CHPF2: variants seen among roughly 807,000 people sequenced by gnomAD.
CHPF2 encodes the protein chondroitin polymerizing factor 2, non-catalytic subunit.
A neutral mutation model predicts 63.0 loss-of-function variants in CHPF2; 58 were observed. The ratio of observed to expected loss-of-function variants is 0.92; its 90% CI spans 0.75 to 1.15. The LOEUF (loss-of-function observed/expected upper bound fraction) is 1.15. Among genes scored for constraint, CHPF2 ranks in the 50% most tolerant of loss-of-function variants. CHPF2 has a pLI of 0.00. For synonymous variants in CHPF2, 442 were observed against 438.0 expected (o/e 1.01, Z -0.11); for missense variants, 1,045 against 1,035.4 (o/e 1.01, Z -0.13).
At chr7:151,237,061 G>C in intron 3 of CHPF2, 1 of 598,314 alleles carries the variant, frequency 1.7e-6, no homozygotes, top group Non-Finnish European at 3.1e-6. Context: ...TTATGAAGAG[G>C]ATGTGAGTCC....
In CHPF2 at chr7:151,237,747, TG is replaced by T. The variant is rs1563634487; in HGVS notation, c.1387del (p.Ala463LeufsTer10). 6.2e-7 allele frequency: 1 copy of T among 1,612,304 alleles called. No individual in the cohort carries two copies. The highest frequency in any genetic ancestry group is 2.2e-5 in the East Asian group (1 of 44,896). ...CVTQRGHRRA[L>X]ARRVSLLRPL... Reference sequence around the variant, plus strand: ...ACACAGCGTGGGCACCGGCGGGCCCTGGCTCGCAGGGTCAGCCTGCTGCGGC... The same window carrying T: ...ACACAGCGTGGGCACCGGCGGGCCCTGCTCGCAGGGTCAGCCTGCTGCGGC... On this transcript the variant is annotated frameshift_variant, in exon 4 of 4. Coordinates refer to ENST00000035307, the MANE Select transcript of CHPF2 (RefSeq NM_019015.3). LOFTEE classifies it high-confidence loss of function.
chr7:151,237,887 G>T lies in CHPF2; in HGVS notation c.1525G>T (p.Ala509Ser), dbSNP rs1241893476. 4 of 1,612,744 alleles carry T rather than the reference G, an allele frequency of 2.5e-6. No homozygotes were observed. The highest frequency in any genetic ancestry group is 3.4e-6 in the Non-Finnish European group (4 of 1,179,972). The change falls in exon 4 of 4, where the codon GCC (alanine) becomes TCC (serine). Residue 509 changes from alanine (A) to serine (S), a missense_variant. Physicochemically the swap from Ala to Ser is moderately conservative, Grantham distance 99. Coordinates refer to ENST00000035307, the MANE Select transcript of CHPF2 (RefSeq NM_019015.3). ...EAAAAPAFLE[A>S]FAANVLEPRE... is the part of the protein sequence containing the mutation. Reference sequence around the variant, plus strand: ...TGCTGCAGCCCCGGCTTTCCTCGAGGCCTTTGCAGCCAATGTCCTGGAGCC... The same window carrying T: ...TGCTGCAGCCCCGGCTTTCCTCGAGTCCTTTGCAGCCAATGTCCTGGAGCC...
At position 151,238,118 on chromosome 7, in the gene CHPF2, G is replaced by T; in HGVS notation, c.1756G>T (p.Val586Leu). ...LMDVVSKKHP[V>L]DTLFFLTTVW... ...GGACGTGGTCTCGAAGAAGCACCCT[G>T]TGGACACTCTCTTCTTCCTTACCAC... is the stretch of plus-strand genomic sequence containing the variant. Residue 586 changes from valine (V) to leucine (L), a missense_variant, in exon 4 of 4, where the codon GTG becomes TTG. By Grantham distance (32) the Val-to-Leu change is conservative (BLOSUM62 1). Transcript: ENST00000035307. 6.2e-7 allele frequency: 1 copy of T among 1,612,384 alleles called. No individual in the cohort carries two copies. The highest frequency in any genetic ancestry group is 1.1e-5 in the South Asian group (1 of 91,092).
Position 151,233,362 on chromosome 7 carries a change from T to G in CHPF2, c.-650T>G, listed in dbSNP as rs1016119396. 4.1e-6 allele frequency: 4 copies of G among 985,674 alleles called. No homozygotes were observed. Among genetic ancestry groups the G allele is most frequent in the Non-Finnish European group, 4.8e-6 (4 of 830,222 alleles). 61.1% of individuals were successfully genotyped at this position (985,674 alleles called of 1,614,324 possible). On this transcript the variant is annotated 5_prime_UTR_variant, in exon 1 of 4. Transcript: ENST00000035307. ...CGAGTGGCTCCAGACCGCTCCTGAG[T>G]GGGAGGAGGGGTTCCTGTAGCCGTT...
rs1802522333 is a variant in CHPF2, at chr7:151,233,165, C to G, written c.-847C>G. 1 of 1,058,042 alleles carries G rather than the reference C, an allele frequency of 9.5e-7. No homozygotes were observed. Among genetic ancestry groups the G allele is most frequent in the Non-Finnish European group, 1.1e-6 (1 of 877,080 alleles). 65.5% of individuals were successfully genotyped at this position (1,058,042 alleles called of 1,614,324 possible). The stretch of plus-strand genomic sequence containing the variant: ...CTGGGGCCCTGGTAAAACCAGGCAC[C>G]GAATCGCTCGCACACAGAGTTCCAG... On this transcript the variant is annotated 5_prime_UTR_variant, in exon 1 of 4. Transcript: ENST00000035307.
Position 151,233,967 on chromosome 7 carries a change from T to C in CHPF2, c.-45T>C. 1 of 1,474,638 alleles carries C rather than the reference T, an allele frequency of 6.8e-7. No homozygotes were observed. The highest frequency in any genetic ancestry group is 1.4e-5 in the African/African-American group (1 of 70,146). 91.3% of individuals were successfully genotyped at this position (1,474,638 alleles called of 1,614,324 possible). On this transcript the variant is annotated 5_prime_UTR_variant, in exon 1 of 4. Transcript: ENST00000035307. Reference sequence around the variant, plus strand: ...CTGGTGCCCATCAATCCATTGATCCTTGAGGCTGTGCCCCTGGGGCACCCA... The same window carrying C: ...CTGGTGCCCATCAATCCATTGATCCCTGAGGCTGTGCCCCTGGGGCACCCA...
rs1292194127 is a variant in CHPF2 at position 151,232,497 on chromosome 7, A to ACAGGGGCTGTGAGGTGG, written c.-1511_-1495dup. On this transcript the variant is annotated 5_prime_UTR_variant, in exon 1 of 4. Coordinates refer to ENST00000035307, the MANE Select transcript of CHPF2 (RefSeq NM_019015.3). ...CAGGCAGCGGAAGAGGAAGCTGCGG[A>ACAGGGGCTGTGAGGTGG]CAGGGGCTGTGAGGTGGCAGCGGCT... 2.1e-6 allele frequency: 1 copy of ACAGGGGCTGTGAGGTGG among 485,586 alleles called. No individual in the cohort carries two copies. Among genetic ancestry groups the ACAGGGGCTGTGAGGTGG allele is most frequent in the Non-Finnish European group, 3.6e-6 (1 of 274,738 alleles). 30.1% of individuals were successfully genotyped at this position (485,586 alleles called of 1,614,324 possible).
In CHPF2 at chr7:151,233,262, G is replaced by T; in HGVS notation, c.-750G>T. ...CCTGCAAGATGGCTCCATCGGCCATGGCGCTCCTGAGAGGCTGTCAGTGCT... is the reference window on the plus strand; with the variant it reads ...CCTGCAAGATGGCTCCATCGGCCATTGCGCTCCTGAGAGGCTGTCAGTGCT... On this transcript the variant is annotated 5_prime_UTR_variant, in exon 1 of 4. An upstream start codon of the reference 5' UTR is lost. Transcript: ENST00000035307. The T allele has an allele frequency of 1.0e-6, 1 of 993,178 alleles. No homozygotes were observed. The highest frequency in any genetic ancestry group is 4.6e-5 in the South Asian group (1 of 21,818). 61.5% of individuals were successfully genotyped at this position (993,178 alleles called of 1,614,324 possible). A position where few individuals can be genotyped will look rare whatever the true frequency, so the allele number is the denominator to read the frequency against.
At chr7:151,235,670 T>C in intron 2 of CHPF2, 58 bp downstream of exon 2, 1 of 1,470,432 alleles carries the variant, frequency 6.8e-7, no homozygotes, top group Non-Finnish European at 9.3e-7. Context: ...GATGAGTGAT[T>C]GGCCTTCCTC....
intron 2 of CHPF2, 117 bp downstream of exon 2, chr7:151,235,729 C>T: frequency 1.0e-6 from 1 of 972,018 alleles, no homozygotes; most frequent in South Asian, 1.6e-5. Flanking sequence ...CCACTGGCCG[C>T]TCTGTGGGCC....
chr7:151,235,149 G>A lies in CHPF2; in HGVS notation c.365G>A (p.Arg122His), dbSNP rs199526960. ...TLSTLAVAVN[R>H]TVAHHFPRLL... is the part of the protein sequence containing the mutation. ...TCCACTTTGGCCGTGGCTGTGAACCGTACGGTGGCCCATCACTTCCCTCGG... is the reference window on the plus strand; with the variant it reads ...TCCACTTTGGCCGTGGCTGTGAACCATACGGTGGCCCATCACTTCCCTCGG... Residue 122 changes from arginine to histidine, a missense_variant, in exon 2 of 4, where the codon CGT (arginine) becomes CAT (histidine). Transcript: ENST00000035307. The A allele has an allele frequency of 9.3e-6, 15 of 1,613,132 alleles. No homozygotes were observed. The highest frequency in any genetic ancestry group is 6.6e-5 in the South Asian group (6 of 90,958).
At position 151,238,353 on chromosome 7, in the gene CHPF2, T is replaced by A; in HGVS notation, c.1991T>A (p.Phe664Tyr). ...CGGGGGGCTCCTATAGGGGGGAGATTTGACCGGCAGGCTTCTGCGGAGGGC... is the reference window on the plus strand; with the variant it reads ...CGGGGGGCTCCTATAGGGGGGAGATATGACCGGCAGGCTTCTGCGGAGGGC... Reference protein sequence around the residue: ...PSRGAPIGGRFDRQASAEGCF... With the variant: ...PSRGAPIGGRYDRQASAEGCF... Residue 664 changes from phenylalanine to tyrosine, a missense_variant, in exon 4 of 4, where the codon TTT becomes TAT. Transcript: ENST00000035307. 1 of 1,609,246 alleles carries A rather than the reference T, an allele frequency of 6.2e-7. No homozygotes were observed. Among genetic ancestry groups the A allele is most frequent in the Non-Finnish European group, 8.5e-7 (1 of 1,177,536 alleles).
chr7:151,235,445 C>T lies in CHPF2; in HGVS notation c.661C>T (p.Arg221Trp), dbSNP rs781339177. ...EEFIGAGEQA[R>W]YCHGGFGYLL... ...GTTCATTGGCGCAGGCGAGCAGGCC[C>T]GGTACTGTCATGGGGGCTTTGGCTA... is the stretch of plus-strand genomic sequence containing the variant. Residue 221 changes from arginine to tryptophan, a missense_variant, in exon 2 of 4, where the codon CGG becomes TGG. By Grantham distance (101) the Arg-to-Trp change is moderately radical. Transcript: ENST00000035307. 4.3e-5 allele frequency: 69 copies of T among 1,611,952 alleles called. No individual in the cohort carries two copies. The highest frequency in any genetic ancestry group is 5.5e-5 in the Non-Finnish European group (65 of 1,180,016).
In CHPF2 at chr7:151,238,306, C is replaced by G. The variant is rs190062046; in HGVS notation, c.1944C>G (p.Ser648=). The part of the protein sequence containing the change: ...GPPGAGPDPP[S]PPGADPSRGA... ...CGGGGGCTGGCCCTGACCCCCCCTC[C>G]CCTCCTGGTGCTGACCCCTCCCGGG... is the stretch of plus-strand genomic sequence containing the variant. The change falls in exon 4 of 4, where the codon TCC becomes TCG. Residue 648 remains serine, a synonymous_variant. Transcript: ENST00000035307. 65 of 1,610,608 alleles carry G rather than the reference C, an allele frequency of 4.0e-5. No homozygotes were observed. The highest frequency in any genetic ancestry group is 4.9e-5 in the Non-Finnish European group (58 of 1,178,478).
rs1341412624 is a variant in CHPF2 at position 151,235,189 on chromosome 7, T to G, written c.405T>G (p.Thr135=). 1.9e-6 allele frequency: 3 copies of G among 1,613,098 alleles called. No individual in the cohort carries two copies. Among genetic ancestry groups the G allele is most frequent in the Non-Finnish European group, 2.5e-6 (3 of 1,179,608 alleles). ...AHHFPRLLYF[T]GQRGARAPAG... ...ACTTCCCTCGGTTACTCTACTTCAC[T>G]GGGCAGCGGGGGGCCCGGGCTCCAG... Residue 135 remains threonine, a synonymous_variant, in exon 2 of 4, where the codon ACT becomes ACG. Coordinates refer to ENST00000035307, the MANE Select transcript of CHPF2 (RefSeq NM_019015.3).
In CHPF2 at chr7:151,237,571, G is replaced by C; in HGVS notation, c.1209G>C (p.Val403=). 6.2e-7 allele frequency: 1 copy of C among 1,613,850 alleles called. No homozygotes were observed. Among genetic ancestry groups the C allele is most frequent in the South Asian group, 1.1e-5 (1 of 91,092 alleles). Residue 403 remains valine, a synonymous_variant, in exon 4 of 4, where the codon GTG becomes GTC. Coordinates refer to ENST00000035307, the MANE Select transcript of CHPF2 (RefSeq NM_019015.3). ...CPLQGASRAD[V]GDALETALEQ... ...TACAGGGGGCTAGCAGGGCGGACGT[G>C]GGTGATGCGTTGGAGACTGCCCTGG... is the stretch of plus-strand genomic sequence containing the variant.
Position 151,235,112 on chromosome 7 carries a change from C to G in CHPF2, c.328C>G (p.Arg110Gly). The G allele has an allele frequency of 6.2e-7, 1 of 1,600,216 alleles. No individual in the cohort carries two copies. The highest frequency in any genetic ancestry group is 1.3e-5 in the African/African-American group (1 of 74,726). ...GTTGCTGGTGGCTGTCCTGACCTCC[C>G]GAGCTACACTGTCCACTTTGGCCGT... ...ERLLVAVLTSRATLSTLAVAV... is the reference protein window; with the variant it reads ...ERLLVAVLTSGATLSTLAVAV... The change falls in exon 2 of 4, where the codon CGA becomes GGA. Residue 110 changes from arginine to glycine, a missense_variant. Transcript: ENST00000035307.
chr7:151,238,070 G>GCC lies in CHPF2; in HGVS notation c.1711_1712dup (p.Ser572LeufsTer39), dbSNP rs1371863560. 1 of 1,612,334 alleles carries GCC rather than the reference G, an allele frequency of 6.2e-7. No individual in the cohort carries two copies. The highest frequency in any genetic ancestry group is 1.3e-5 in the African/African-American group (1 of 75,052). On this transcript the variant is annotated frameshift_variant, in exon 4 of 4. Transcript: ENST00000035307. LOFTEE classifies it high-confidence loss of function. Reference sequence around the variant, plus strand: ...GGCCTGGCTCGCTGTGCGAGCAGAGGCCCCTTCCCAGGTGCGACTCATGGA... The same window carrying GCC: ...GGCCTGGCTCGCTGTGCGAGCAGAGGCCCCCCTTCCCAGGTGCGACTCATGGA...
At position 151,233,820 on chromosome 7, in the gene CHPF2, G is replaced by A; in HGVS notation, c.-192G>A. ...CTTCACAGTTGAAGAGCAGGCAGAA[G>A]GAGTTGTGAAGACAGGACAATCTTC... On this transcript the variant is annotated 5_prime_UTR_variant, in exon 1 of 4. Transcript: ENST00000035307. 1 of 1,244,374 alleles carries A rather than the reference G, an allele frequency of 8.0e-7. No individual in the cohort carries two copies. The highest frequency in any genetic ancestry group is 1.0e-6 in the Non-Finnish European group (1 of 995,504). The allele number at this position is 1,244,374 out of a possible 1,614,324, so 77.1% of individuals were successfully genotyped here.
Sources: gnomAD v4.1 joint callset for allele counts on GRCh38, gnomAD v4.1.1 for gene constraint, MANE v1.5 for transcripts, NCBI Gene and HGNC (gene_info 2026-07-23, HGNC 2026-07-21) for gene names.